Variants in NFIB observed in about 807,000 individuals in gnomAD.
NFIB encodes the protein nuclear factor 1 B-type.
In NFIB, 11 loss-of-function variants were observed where a neutral mutation model predicts 61.5. The ratio of observed to expected loss-of-function variants is 0.18; its 90% CI spans 0.11 to 0.30. NFIB has a LOEUF of 0.30. Ranked by LOEUF, NFIB falls within the 10% of genes least tolerant of loss-of-function variation. NFIB has a pLI of 1.00. For synonymous variants in NFIB, 260 were observed against 216.5 expected (o/e 1.20, Z -1.76); for missense variants, 471 against 608.9 (o/e 0.77, Z 2.38).
rs533314494 is a variant in NFIB at position 14,210,308 on chromosome 9, T to C, written c.563-30528A>G. Among the ~76,000 whole-genome samples, 7 of 152,090 alleles carry C rather than the reference T, an allele frequency of 4.6e-5. No homozygotes were observed. In the South Asian group the frequency reaches 1.5e-3, roughly 32 times the overall value. On this transcript the variant is annotated intron_variant, in intron 2 of 10. Coordinates refer to ENST00000380953, the MANE Select transcript of NFIB (RefSeq NM_001190737.2). Reference sequence around the variant, plus strand: ...TAGAGGGTATTTAAAACATTTTTTGTGGTTAAGATCTCTACCCTTTTCATC... The same window carrying C: ...TAGAGGGTATTTAAAACATTTTTTGCGGTTAAGATCTCTACCCTTTTCATC...
chr9:14,516,233 GA>G, the NFIB span, among the ~76,000 whole-genome samples: 1 of 152,214 alleles, frequency 6.6e-6, no homozygotes, highest in Admixed American at 6.5e-5. Context: ...TAGCCACCAG[GA>G]GGTGGGGGTT....
At chr9:14,230,429 T>C (rs1290778212) in intron 2 of NFIB, among the ~76,000 whole-genome samples, 1 of 152,078 alleles carries the variant, frequency 6.6e-6, no homozygotes, top group Non-Finnish European at 1.5e-5. Flanking sequence ...AAATGCAAAA[T>C]AAAGGGCGCT....
chr9:14,438,265 A>G, the NFIB span, among the ~76,000 whole-genome samples: 1 of 152,204 alleles, frequency 6.6e-6, no homozygotes, highest in Non-Finnish European at 1.5e-5. Context: ...GCCCAAGTCA[A>G]TTGCAGGTCC....
chr9:14,124,183 C>T (rs570043819), intron 7 of NFIB, among the ~76,000 whole-genome samples: 10 of 152,158 alleles, frequency 6.6e-5, no homozygotes, highest in South Asian at 4.1e-4. Flanking sequence ...TCTCCTGTTT[C>T]GTTATATAAA....
chr9:14,176,486 T>G (rs1326395721), intron 3 of NFIB, among the ~76,000 whole-genome samples: 2 of 152,128 alleles, frequency 1.3e-5, no homozygotes, highest in African/African-American at 2.4e-5. Flanking sequence ...AAACAAAACA[T>G]TTAAGTCACA....
At chr9:14,469,684 TC>T in the NFIB span, among the ~76,000 whole-genome samples, 2 of 152,136 alleles carry the variant, frequency 1.3e-5, no homozygotes, top group African/African-American at 4.8e-5. Context: ...TGTCTTGTAT[TC>T]CCCCTTTCAG....
chr9:14,515,763 G>A, the NFIB span, among the ~76,000 whole-genome samples: 1 of 152,188 alleles, frequency 6.6e-6, no homozygotes, highest in South Asian at 2.1e-4. Flanking sequence ...GTTGGGGGTG[G>A]GGCCTGAGTT....
At chr9:14,104,788 G>C (rs2036312621) in intron 10 of NFIB, among the ~76,000 whole-genome samples, 1 of 151,860 alleles carries the variant, frequency 6.6e-6, no homozygotes, top group Non-Finnish European at 1.5e-5. Context: ...ATCTTGCTAT[G>C]TTGCCCAGGC....
chr9:14,340,377 G>A (rs1026968069), intron 1 of NFIB, among the ~76,000 whole-genome samples: 3 of 152,218 alleles, frequency 2.0e-5, no homozygotes, highest in Admixed American at 2.0e-4. Context: ...CTAAACATTA[G>A]AATCGCCCAG....
chr9:14,300,640 C>A (rs150461156), intron 2 of NFIB, among the ~76,000 whole-genome samples: 1 of 152,182 alleles, frequency 6.6e-6, no homozygotes, highest in Non-Finnish European at 1.5e-5. Flanking sequence ...ATAACTACTT[C>A]TTTGATTATA....
intron 2 of NFIB, among the ~76,000 whole-genome samples, chr9:14,287,744 T>C (rs1019361445): frequency 1.3e-5 from 2 of 151,998 alleles, no homozygotes; most frequent in Non-Finnish European, 2.9e-5. Flanking sequence ...TACACTTTTT[T>C]CTGCAATTAC....
chr9:14,437,230 T>G, the NFIB span, among the ~76,000 whole-genome samples: 1 of 152,210 alleles, frequency 6.6e-6, no homozygotes, highest in African/African-American at 2.4e-5. Flanking sequence ...AATATCCAAA[T>G]GTAAAAAGTG....
chr9:14,478,847 T>C, the NFIB span, among the ~76,000 whole-genome samples: 1 of 152,218 alleles, frequency 6.6e-6, no homozygotes, highest in African/African-American at 2.4e-5. Flanking sequence ...AGTGGAATTA[T>C]GGTCAAGACA....
the NFIB span, among the ~76,000 whole-genome samples, chr9:14,481,450 T>A: frequency 1.3e-5 from 2 of 151,498 alleles, no homozygotes; most frequent in Admixed American, 1.3e-4. Context: ...TCTTTGTCTC[T>A]GAGTCTCCTT....
intron 2 of NFIB, chr9:14,180,874 A>C (rs989405370): frequency 2.0e-5 from 3 of 152,174 alleles, no homozygotes; most frequent in African/African-American, 7.2e-5. Flanking sequence ...TGCCTAGAAA[A>C]GGCAATTTTG....
intron 2 of NFIB, chr9:14,204,914 A>C: frequency 2.8e-6 from 1 of 362,770 alleles, no homozygotes; most frequent in South Asian, 2.9e-5. Context: ...AGCTATCAGA[A>C]CCAATTACAA....
At chr9:14,185,162 T>C (rs540675342) in intron 2 of NFIB, among the ~76,000 whole-genome samples, 2 of 152,098 alleles carry the variant, frequency 1.3e-5, no homozygotes, top group African/African-American at 4.8e-5. Flanking sequence ...AAAAAATACA[T>C]AAATCAAGAG....
the NFIB span, among the ~76,000 whole-genome samples, chr9:14,436,044 C>G: frequency 2.0e-5 from 3 of 152,310 alleles, no homozygotes; most frequent in African/African-American, 7.2e-5. Flanking sequence ...TTGCGCTGAT[C>G]CACATTTATT....
intron 6 of NFIB, among the ~76,000 whole-genome samples, chr9:14,136,408 T>C (rs904453484): frequency 1.3e-5 from 2 of 152,162 alleles, no homozygotes; most frequent in Non-Finnish European, 2.9e-5. Context: ...TGGAGTCTTA[T>C]TAATGTTAAG....
Sources: gnomAD v4.1 joint callset for allele counts (sites outside exome capture counted in the v4.1 genomes callset) on GRCh38, gnomAD v4.1.1 for gene constraint, MANE v1.5 for transcripts, NCBI Gene and HGNC (gene_info 2026-07-23, HGNC 2026-07-21) for gene names.